DCC: variants seen among roughly 807,000 people sequenced by gnomAD.
The protein encoded by DCC is netrin receptor DCC.
A neutral mutation model predicts 172.5 loss-of-function variants in DCC; 58 were observed. The ratio of observed to expected loss-of-function variants is 0.34; its 90% CI spans 0.27 to 0.42. DCC has a LOEUF of 0.42. DCC is among the 10% of genes least tolerant of loss of function. The probability of loss-of-function intolerance (pLI) is 1.00; values close to 1 mark genes in which losing one functional copy is unlikely to be tolerated. For synonymous variants in DCC, 709 were observed against 644.5 expected (o/e 1.10, Z -1.52); for missense variants, 1,740 against 1,791.0 (o/e 0.97, Z 0.51).
Position 53,339,761 on chromosome 18 carries a change from C to T in DCC, c.2213C>T (p.Thr738Ile). ...QPSSLHVRPQ[T>I]NCIIMSWTPP... is the part of the protein sequence containing the mutation. The stretch of plus-strand genomic sequence containing the variant: ...AGCTCTCTTCATGTGAGGCCCCAGA[C>T]TAACTGCATCATCATGAGTTGGACT... Residue 738 changes from threonine (T) to isoleucine (I), a missense_variant, in exon 15 of 29, where the codon ACT (threonine) becomes ATT (isoleucine). Around this residue, in one of 2 missense-constraint regions of DCC, gnomAD observed 1,732 missense variants for 1,767.4 expected, o/e 0.98. Transcript: ENST00000442544. 1.2e-6 allele frequency: 2 copies of T among 1,613,988 alleles called. No individual in the cohort carries two copies. Among genetic ancestry groups the T allele is most frequent in the Non-Finnish European group, 1.7e-6 (2 of 1,179,954 alleles).
intron 7 of DCC, among the ~76,000 whole-genome samples, chr18:53,156,139 T>C (rs1398894843): frequency 1.3e-5 from 2 of 152,228 alleles, no homozygotes; most frequent in African/African-American, 2.4e-5. Flanking sequence ...CTACTTGGGC[T>C]GTATCTTTTC....
intron 2 of DCC, among the ~76,000 whole-genome samples, chr18:52,893,083 A>G (rs981215551): frequency 6.6e-5 from 10 of 152,150 alleles, no homozygotes; most frequent in Admixed American, 1.3e-4. Flanking sequence ...TTAATGAATT[A>G]TATAATACGG....
chr18:52,588,319 G>T lies in DCC; in HGVS notation c.92-163735G>T, dbSNP rs193228653. ...TCCTATGGCCCAAGTGGCAGAGCAG[G>T]TTGCACAGCAGCCTGCACCTGTTGC... is the stretch of plus-strand genomic sequence containing the variant. On this transcript the variant is annotated intron_variant, in intron 1 of 28. Coordinates refer to ENST00000442544, the MANE Select transcript of DCC (RefSeq NM_005215.4). Among the ~76,000 whole-genome samples the T allele has an allele frequency of 2.5e-3, 384 of 152,266 alleles. 4 individuals are homozygous for T. The highest frequency in any genetic ancestry group is 0.019 in the South Asian group (94 of 4,824).
chr18:53,187,221 C>T (rs954967449), intron 9 of DCC, among the ~76,000 whole-genome samples: 9 of 150,984 alleles, frequency 6.0e-5, no homozygotes, highest in Admixed American at 2.6e-4. Context: ...GTCCTGAGTT[C>T]GTGTGATTCT....
In DCC at chr18:52,423,788, A is replaced by G. The variant is rs74963802; in HGVS notation, c.91+82910A>G. Among the ~76,000 whole-genome samples, 282 of 152,324 alleles carry G rather than the reference A, an allele frequency of 1.9e-3. 6 individuals carry two copies. In the East Asian group the frequency reaches 0.045, roughly 24 times the overall value. On this transcript the variant is annotated intron_variant, in intron 1 of 28. Transcript: ENST00000442544. Reference sequence around the variant, plus strand: ...GGGATCTTGAAATGTATTTTGGGACAGAACCACATTTCCTGAACATGTTTA... The same window carrying G: ...GGGATCTTGAAATGTATTTTGGGACGGAACCACATTTCCTGAACATGTTTA...
intron 1 of DCC, among the ~76,000 whole-genome samples, chr18:52,488,431 T>C (rs2030337125): frequency 6.6e-6 from 1 of 152,138 alleles, no homozygotes; most frequent in African/African-American, 2.4e-5. Context: ...TAGGATAGGA[T>C]AGATCTGAGG....
rs576424851 is a variant in DCC, at chr18:52,854,699, G to A, written c.413-51345G>A. ...TTGAGAAAATAGAATCGCCTTGTAA[G>A]CACTTGCTTGTACAGAAGTTGTTTA... is the stretch of plus-strand genomic sequence containing the variant. On this transcript the variant is annotated intron_variant, in intron 2 of 28. Coordinates refer to ENST00000442544, the MANE Select transcript of DCC (RefSeq NM_005215.4). 5.3e-4 allele frequency among the ~76,000 whole-genome samples: 81 copies of A among 152,320 alleles called. No homozygotes were observed. The Middle Eastern group carries it at 0.01, about 19-fold the overall frequency.
chr18:52,876,157 AG>A (rs2039400157), intron 2 of DCC, among the ~76,000 whole-genome samples: 1 of 152,170 alleles, frequency 6.6e-6, no homozygotes, highest in Admixed American at 6.5e-5. Context: ...GAAACAATAG[AG>A]GGCAACTAAA....
intron 15 of DCC, among the ~76,000 whole-genome samples, chr18:53,362,489 T>C (rs573583004): frequency 1.3e-5 from 2 of 152,300 alleles, no homozygotes; most frequent in Non-Finnish European, 2.9e-5. Context: ...CCTGCTTTCC[T>C]CCATCTGTCG....
intron 1 of DCC, among the ~76,000 whole-genome samples, chr18:52,576,820 C>A (rs1328426552): frequency 7.4e-6 from 1 of 134,830 alleles, no homozygotes; most frequent in South Asian, 2.2e-4. Context: ...ACAGAGCAAG[C>A]CTCCATCTCA....
intron 15 of DCC, among the ~76,000 whole-genome samples, chr18:53,379,806 C>T (rs1480596418): frequency 6.6e-6 from 1 of 152,138 alleles, no homozygotes; most frequent in East Asian, 1.9e-4. Flanking sequence ...GTTGGCCAAA[C>T]AATAATGAAA....
At chr18:52,755,349 T>A (rs375571241) in intron 2 of DCC, among the ~76,000 whole-genome samples, 2 of 152,376 alleles carry the variant, frequency 1.3e-5, no homozygotes, top group East Asian at 3.9e-4. Context: ...ATGTGCTGTC[T>A]TTCAGTAGTG....
At chr18:52,621,879 G>A (rs2034487020) in intron 1 of DCC, among the ~76,000 whole-genome samples, 1 of 152,096 alleles carries the variant, frequency 6.6e-6, no homozygotes, top group Non-Finnish European at 1.5e-5. Flanking sequence ...GCCATGAAGG[G>A]GAAAAGCAGC....
chr18:52,397,750 G>A (rs752253361), intron 1 of DCC, among the ~76,000 whole-genome samples: 31 of 151,920 alleles, frequency 2.0e-4, no homozygotes, highest in African/African-American at 7.5e-4. Flanking sequence ...TCTGCCAGTG[G>A]TATTGACTCT....
intron 5 of DCC, among the ~76,000 whole-genome samples, chr18:52,968,045 T>G (rs1248818871): frequency 6.6e-6 from 1 of 152,192 alleles, no homozygotes; most frequent in Non-Finnish European, 1.5e-5. Context: ...TAAAGGGATC[T>G]TGGAAAGGTG....
intron 1 of DCC, among the ~76,000 whole-genome samples, chr18:52,565,418 T>A (rs1568231812): frequency 6.6e-6 from 1 of 152,182 alleles, no homozygotes; most frequent in Admixed American, 6.5e-5. Flanking sequence ...ATCGCCACAC[T>A]GTCTTCCACA....
At chr18:52,668,895 G>C (rs746200382) in intron 1 of DCC, among the ~76,000 whole-genome samples, 4 of 152,222 alleles carry the variant, frequency 2.6e-5, no homozygotes, top group Non-Finnish European at 1.5e-5. Context: ...TGTGGTCATG[G>C]TGTAACCACC....
intron 5 of DCC, among the ~76,000 whole-genome samples, chr18:53,042,553 T>G (rs374286147): frequency 6.6e-6 from 1 of 151,822 alleles, no homozygotes; most frequent in East Asian, 1.9e-4. Flanking sequence ...TCTTTTTCTA[T>G]TGTTTGGAAT....
chr18:53,312,942 G>GGGGAGGGAAGGGAAAGGA (rs2057294375), intron 13 of DCC, among the ~76,000 whole-genome samples: 1 of 121,712 alleles, frequency 8.2e-6, no homozygotes, highest in African/African-American at 3.0e-5. Flanking sequence ...AAGGGAAAGG[G>GGGGAGGGAAGGGAAAGGA]AGGGGAGGGA....
Sources: allele counts gnomAD v4.1 joint callset (sites outside exome capture counted in the v4.1 genomes callset), GRCh38; gene constraint gnomAD v4.1.1; regional missense constraint gnomAD v4.1.1; transcripts MANE v1.5; gene names NCBI Gene and HGNC (gene_info 2026-07-23, HGNC 2026-07-21).